SLC47A2: variants seen among roughly 807,000 people sequenced by gnomAD.
SLC47A2 encodes multidrug and toxin extrusion protein 2.
In SLC47A2, 52 loss-of-function variants were observed where a neutral mutation model predicts 67.7. The ratio of observed to expected loss-of-function variants is 0.77; its 90% confidence interval spans 0.61 to 0.97. The LOEUF (loss-of-function observed/expected upper bound fraction) is 0.97, where lower values mean the gene tolerates loss of function less well. Among genes scored for constraint, SLC47A2 ranks in the 50% least tolerant of loss-of-function variants. The probability of loss-of-function intolerance (pLI) is 0.00; values close to 1 mark genes in which losing one functional copy is unlikely to be tolerated. For synonymous variants in SLC47A2, 278 were observed against 292.9 expected, an observed-to-expected ratio of 0.95 and a Z score of 0.52; for missense variants, 676 against 712.3, an observed-to-expected ratio of 0.95 and a Z score of 0.58.
intron 16 of SLC47A2, among the ~76,000 whole-genome samples, chr17:19,679,236 C>T (rs775830064): frequency 7.9e-5 from 12 of 152,168 alleles, no homozygotes; most frequent in East Asian, 1.9e-4. Context: ...CATGTCTTAC[C>T]GTATTCTCTC....
Position 19,680,048 on chromosome 17 carries a change from G to A in SLC47A2, c.1393-9C>T, listed in dbSNP as rs1397502439. ...CCTGAATGTTTCTTAGCCTAAAGGA[G>A]AAAGAACTCAATTGGGTCAACCTGC... is the stretch of plus-strand genomic sequence containing the variant. On this transcript the variant is annotated splice_polypyrimidine_tract_variant and intron_variant, in intron 15 of 16. Coordinates refer to ENST00000433844, the MANE Select transcript of SLC47A2 (RefSeq NM_001099646.3). The A allele has an allele frequency of 1.9e-6, 3 of 1,612,902 alleles. No homozygotes were observed. In the African/African-American group the frequency reaches 4.0e-5, roughly 22 times the overall value.
At chr17:19,679,208 G>A (rs777053921) in intron 16 of SLC47A2, among the ~76,000 whole-genome samples, 13 of 152,182 alleles carry the variant, frequency 8.5e-5, no homozygotes, top group East Asian at 1.9e-4. Flanking sequence ...TCAAAAGCAC[G>A]TGGGAAACAC....
intron 13 of SLC47A2, among the ~76,000 whole-genome samples, chr17:19,684,821 C>T (rs183624052): frequency 1.1e-3 from 163 of 152,258 alleles, no homozygotes; most frequent in African/African-American, 3.8e-3. Context: ...CCCTCTCCCT[C>T]TCCCTCTCCC....
intron 13 of SLC47A2, among the ~76,000 whole-genome samples, chr17:19,692,602 A>G (rs921877721): frequency 6.6e-6 from 1 of 152,218 alleles, no homozygotes; most frequent in Non-Finnish European, 1.5e-5. Context: ...ATTGTATTCA[A>G]TATTTAAACA....
intron 10 of SLC47A2, chr17:19,704,502 G>T: frequency 1.3e-6 from 1 of 784,996 alleles, no homozygotes; most frequent in Non-Finnish European, 2.0e-6. Context: ...GGTGACTGTG[G>T]TCTTAGTCCC....
rs533344922 is a variant in SLC47A2 at position 19,709,986 on chromosome 17, AG to A, written c.487-1227del. On this transcript the variant is annotated intron_variant, in intron 5 of 16. Coordinates refer to ENST00000433844, the MANE Select transcript of SLC47A2 (RefSeq NM_001099646.3). ...ATCTGTAACCAGCTAGGCCCCAAAA[AG>A]GTCATGGCACTGGCCTGGCAGAGAG... Among the ~76,000 whole-genome samples, 1,219 of 152,274 alleles carry A rather than the reference AG, an allele frequency of 8.0e-3. 14 individuals are homozygous for A. The highest frequency in any genetic ancestry group is 0.027 in the African/African-American group (1,122 of 41,534).
chr17:19,705,661 G>A (rs11204410), intron 9 of SLC47A2, among the ~76,000 whole-genome samples, 158 bp from the exon 10 acceptor site: 43,417 of 151,262 alleles, frequency 0.29, 6,948 homozygotes, highest in Non-Finnish European at 0.36. Flanking sequence ...GTGCAGTGGC[G>A]CAATTATAGC....
chr17:19,710,667 G>T (rs1043851121), intron 5 of SLC47A2, among the ~76,000 whole-genome samples: 1 of 152,008 alleles, frequency 6.6e-6, no homozygotes, highest in Non-Finnish European at 1.5e-5. Flanking sequence ...TGGCCGGGCT[G>T]GTCTCGAACT....
chr17:19,703,055 A>G lies in SLC47A2; in HGVS notation c.1094+37T>C, dbSNP rs2085828860. On this transcript the variant is annotated intron_variant, in intron 12 of 16. Transcript: ENST00000433844. ...AGGACACACTGGGAACCACTTTGAC[A>G]TTTTCCAAGAGTCAGCACAGAAAAC... is the stretch of plus-strand genomic sequence containing the variant. The G allele has an allele frequency of 3.8e-6, 6 of 1,596,828 alleles. No homozygotes were observed. In the African/African-American group the frequency reaches 5.4e-5, roughly 14 times the overall value.
At chr17:19,702,797 C>A in intron 12 of SLC47A2, 123 bp from the exon 13 acceptor site, 1 of 1,122,656 alleles carries the variant, frequency 8.9e-7, no homozygotes, top group Non-Finnish European at 1.3e-6. Context: ...TTGCCCCACA[C>A]AAATGTAACT....
chr17:19,680,461 C>T (rs1014119789), intron 15 of SLC47A2, among the ~76,000 whole-genome samples: 3 of 152,160 alleles, frequency 2.0e-5, no homozygotes, highest in Non-Finnish European at 4.4e-5. Context: ...TCCTGGGCAA[C>T]AGAGCGATAC....
intron 10 of SLC47A2, 143 bp from the exon 11 acceptor site, chr17:19,704,321 G>A: frequency 4.3e-6 from 3 of 691,218 alleles, no homozygotes; most frequent in Non-Finnish European, 7.0e-6. Flanking sequence ...TCACATTCTT[G>A]CTGCTGACAA....
chr17:19,706,471 G>C (rs1338345154), intron 9 of SLC47A2, among the ~76,000 whole-genome samples, 177 bp downstream of exon 9: 1 of 152,224 alleles, frequency 6.6e-6, no homozygotes, highest in East Asian at 1.9e-4. Context: ...CCGCTGGGCA[G>C]TGGTGTTCTC....
intron 13 of SLC47A2, 87 bp from the exon 14 acceptor site, chr17:19,681,757 G>A (rs1270953042): frequency 5.4e-6 from 8 of 1,481,208 alleles, no homozygotes; most frequent in Middle Eastern, 1.9e-4. Context: ...TAAGCCATTC[G>A]CATGGCATTG....
chr17:19,716,459 T>A lies in SLC47A2; in HGVS notation c.97A>T (p.Thr33Ser), dbSNP rs747170513. ...VPRGFGTEMW[T>S]LFALSGPLFL... ...AGGGGTCCAGAAAGGGCAAAGAGAG[T>A]CCACATCTCAGTCCCAAAGCCTCTG... is the stretch of plus-strand genomic sequence containing the variant. Residue 33 changes from threonine to serine, a missense_variant, in exon 1 of 17, where the codon ACT becomes TCT. By Grantham distance (58) the Thr-to-Ser change is moderately conservative. Coordinates refer to ENST00000433844, the MANE Select transcript of SLC47A2 (RefSeq NM_001099646.3). The A allele has an allele frequency of 3.1e-6, 5 of 1,611,826 alleles. No homozygotes were observed. The highest frequency in any genetic ancestry group is 3.4e-6 in the Non-Finnish European group (4 of 1,179,118).
In SLC47A2 at chr17:19,698,508, T is replaced by C. The variant is rs557707498; in HGVS notation, c.1164+4097A>G. 2.0e-5 allele frequency among the ~76,000 whole-genome samples: 3 copies of C among 152,214 alleles called. No homozygotes were observed. In the South Asian group the frequency reaches 6.2e-4, roughly 32 times the overall value. On this transcript the variant is annotated intron_variant, in intron 13 of 16. Coordinates refer to ENST00000433844, the MANE Select transcript of SLC47A2 (RefSeq NM_001099646.3). Reference sequence around the variant, plus strand: ...CTGGGATTACAGACATGTGCCACCATGCTTGGCTAATTTTTGTATTTTTTG... The same window carrying C: ...CTGGGATTACAGACATGTGCCACCACGCTTGGCTAATTTTTGTATTTTTTG...
chr17:19,706,528 G>A (rs1200531211), intron 9 of SLC47A2, 120 bp downstream of exon 9: 2 of 761,182 alleles, frequency 2.6e-6, no homozygotes, highest in African/African-American at 3.6e-5. Flanking sequence ...AAGGGGGCTG[G>A]TGAGCTGCCA....
chr17:19,681,744 T>C, intron 13 of SLC47A2, 74 bp from the exon 14 acceptor site: 1 of 1,530,392 alleles, frequency 6.5e-7, no homozygotes, highest in Non-Finnish European at 8.8e-7. Context: ...GCAGGCACTG[T>C]GCTAAGCCAT....
intron 13 of SLC47A2, among the ~76,000 whole-genome samples, chr17:19,687,574 T>C (rs574910256): frequency 6.6e-6 from 1 of 151,876 alleles, no homozygotes; most frequent in African/African-American, 2.4e-5. Context: ...AGTTGTTTTT[T>C]TGAAAAAATA....
Sources: gnomAD v4.1 joint callset for allele counts (sites outside exome capture counted in the v4.1 genomes callset) on GRCh38, gnomAD v4.1.1 for gene constraint, MANE v1.5 for transcripts, NCBI Gene and HGNC (gene_info 2026-07-23, HGNC 2026-07-21) for gene names.